Variants in XKR6 observed in about 807,000 individuals in gnomAD.
The protein encoded by XKR6 is XK related 6.
Under a neutral mutation model 56.7 loss-of-function variants are expected in XKR6, and 22 were observed. The observed-to-expected ratio is 0.39, with a 90% CI of 0.28 to 0.55. The LOEUF is 0.55. XKR6 is among the 20% of genes least tolerant of loss of function. The pLI is 0.66. For missense variants in XKR6, 852 were observed against 889.0 expected (o/e 0.96, Z 0.53); for synonymous variants, 524 against 387.8 (o/e 1.35, Z -4.13).
chr8:11,073,865 T>A (rs1800197293), intron 1 of XKR6, among the ~76,000 whole-genome samples: 1 of 152,126 alleles, frequency 6.6e-6, no homozygotes. Context: ...CTATTCAATC[T>A]GGGCAGGTGA....
At chr8:11,124,822 C>A (rs1265596034) in intron 1 of XKR6, 1 of 151,938 alleles carries the variant, frequency 6.6e-6, no homozygotes, top group South Asian at 2.1e-4. Context: ...CAGGGGCTCA[C>A]GCCTGTAATC....
intron 1 of XKR6, among the ~76,000 whole-genome samples, chr8:10,932,899 T>A (rs1801103094): frequency 7.0e-6 from 1 of 142,016 alleles, no homozygotes; most frequent in African/African-American, 2.7e-5. Context: ...TGTGCATGTG[T>A]CTTTATAGCA....
Position 11,116,267 on chromosome 8 carries a change from C to G in XKR6, c.764+84309G>C, listed in dbSNP as rs374435791. ...AAAACGTAACTAATTCATAGATACCCTTTTTCCACTCTAAGTCTTAAACAT... is the reference window on the plus strand; with the variant it reads ...AAAACGTAACTAATTCATAGATACCGTTTTTCCACTCTAAGTCTTAAACAT... On this transcript the variant is annotated intron_variant, in intron 1 of 2. Coordinates refer to ENST00000416569, the MANE Select transcript of XKR6 (RefSeq NM_173683.4). Among the ~76,000 whole-genome samples the G allele has an allele frequency of 3.7e-4, 57 of 152,270 alleles. 1 individual carries two copies. Among genetic ancestry groups the G allele is most frequent in the African/African-American group, 1.3e-3 (55 of 41,548 alleles).
intron 1 of XKR6, among the ~76,000 whole-genome samples, chr8:11,114,437 T>G (rs1332890172): frequency 3.3e-5 from 5 of 152,172 alleles, no homozygotes; most frequent in Non-Finnish European, 5.9e-5. Context: ...TCTCAGCTCA[T>G]TGCAGCCTCT....
intron 1 of XKR6, among the ~76,000 whole-genome samples, chr8:11,048,740 T>C (rs1799471384): frequency 6.6e-6 from 1 of 152,136 alleles, no homozygotes; most frequent in Non-Finnish European, 1.5e-5. Context: ...TGCTACCCCC[T>C]GTCCTGTGAA....
At chr8:11,013,128 T>C (rs2129146395) in intron 1 of XKR6, among the ~76,000 whole-genome samples, 1 of 152,304 alleles carries the variant, frequency 6.6e-6, no homozygotes, top group East Asian at 1.9e-4. Flanking sequence ...TAACATGTAT[T>C]AAGCCCTTAA....
At chr8:10,966,913 G>T (rs974923517) in intron 1 of XKR6, among the ~76,000 whole-genome samples, 1 of 152,048 alleles carries the variant, frequency 6.6e-6, no homozygotes, top group African/African-American at 2.4e-5. Context: ...TCTGGGGCTA[G>T]GTCTTAGCCT....
chr8:10,978,245 G>A (rs1048209522), intron 1 of XKR6, among the ~76,000 whole-genome samples: 115 of 152,280 alleles, frequency 7.6e-4, no homozygotes, highest in African/African-American at 2.7e-3. Flanking sequence ...CATATTTAAT[G>A]ACTTTCAAGG....
At chr8:11,102,583 G>C (rs1798524572) in intron 1 of XKR6, among the ~76,000 whole-genome samples, 2 of 152,118 alleles carry the variant, frequency 1.3e-5, no homozygotes, top group Non-Finnish European at 2.9e-5. Context: ...TAATTCAGCA[G>C]AACCTAACTC....
chr8:11,094,006 G>A (rs1798176507), intron 1 of XKR6, among the ~76,000 whole-genome samples: 1 of 150,430 alleles, frequency 6.6e-6, no homozygotes, highest in South Asian at 2.1e-4. Flanking sequence ...GGATGGTCTC[G>A]ATCTCCTGAC....
intron 1 of XKR6, among the ~76,000 whole-genome samples, chr8:11,156,385 A>C (rs956921049): frequency 6.6e-6 from 1 of 152,184 alleles, no homozygotes; most frequent in African/African-American, 2.4e-5. Flanking sequence ...AGAGCATGCA[A>C]CACATCCTAT....
intron 1 of XKR6, among the ~76,000 whole-genome samples, chr8:11,059,404 C>G (rs569222260): frequency 9.3e-4 from 142 of 152,336 alleles, no homozygotes; most frequent in African/African-American, 3.2e-3. Context: ...GGCTGGCGCC[C>G]GAAGGGAGTC....
In XKR6 at chr8:11,148,504, T is replaced by A. The variant is rs138997762; in HGVS notation, c.764+52072A>T. On this transcript the variant is annotated intron_variant, in intron 1 of 2. Transcript: ENST00000416569. Reference sequence around the variant, plus strand: ...GTTGTTTAAGCGCCCCAGTTTGTGGTTGTTTGTTATGGCTGTGCTAGCAAA... The same window carrying A: ...GTTGTTTAAGCGCCCCAGTTTGTGGATGTTTGTTATGGCTGTGCTAGCAAA... 2.2e-3 allele frequency among the ~76,000 whole-genome samples: 329 copies of A among 152,334 alleles called. 1 individual carries two copies. Among genetic ancestry groups the A allele is most frequent in the African/African-American group, 7.6e-3 (316 of 41,576 alleles).
At chr8:11,039,244 C>G (rs909151670) in intron 1 of XKR6, among the ~76,000 whole-genome samples, 1 of 152,208 alleles carries the variant, frequency 6.6e-6, no homozygotes, top group Non-Finnish European at 1.5e-5. Flanking sequence ...AGATCTCACT[C>G]ATGGTGTGAA....
At chr8:10,899,013 G>GATCT in intron 2 of XKR6, 97 bp from the exon 3 acceptor site, 1 of 1,479,636 alleles carries the variant, frequency 6.8e-7, no homozygotes, top group Non-Finnish European at 9.0e-7. Context: ...CATACACCAC[G>GATCT]ATCTAAAGGA....
chr8:10,926,011 G>T (rs1269136164), intron 1 of XKR6, among the ~76,000 whole-genome samples: 2 of 152,156 alleles, frequency 1.3e-5, no homozygotes, highest in Non-Finnish European at 2.9e-5. Flanking sequence ...GGTGCCAGCG[G>T]CAGTGGGAGA....
At chr8:10,959,527 A>G (rs1384521741) in intron 1 of XKR6, among the ~76,000 whole-genome samples, 2 of 152,098 alleles carry the variant, frequency 1.3e-5, no homozygotes, top group East Asian at 1.9e-4. Context: ...CTCTCTTCCT[A>G]CTTGCAGACA....
intron 1 of XKR6, among the ~76,000 whole-genome samples, chr8:10,974,683 C>A (rs1425513145): frequency 6.6e-6 from 1 of 152,206 alleles, no homozygotes; most frequent in East Asian, 1.9e-4. Flanking sequence ...CTCACCCTCT[C>A]CCTCCTGCCA....
Position 11,201,238 on chromosome 8 carries a change from G to T in XKR6, c.102C>A (p.Pro34=), listed in dbSNP as rs762010419. The T allele has an allele frequency of 4.5e-6, 7 of 1,557,344 alleles. No individual in the cohort carries two copies. Among genetic ancestry groups the T allele is most frequent in the Non-Finnish European group, 5.2e-6 (6 of 1,160,990 alleles). ...CGCCGCCGCCGCAGCCGCCTCCCCC[G>T]GGCTCCCCGTCCTCCTCGCCGCCGC... ...VGSGGEEDGE[P]GGGGCGGGGD... is the part of the protein sequence containing the mutation. Residue 34 remains proline (P), a synonymous_variant, in exon 1 of 3, where the codon CCC becomes CCA. Coordinates refer to ENST00000416569, the MANE Select transcript of XKR6 (RefSeq NM_173683.4).
Sources: gnomAD v4.1 joint callset for allele counts (sites outside exome capture counted in the v4.1 genomes callset) on GRCh38, gnomAD v4.1.1 for gene constraint, MANE v1.5 for transcripts, NCBI Gene and HGNC (gene_info 2026-07-23, HGNC 2026-07-21) for gene names.